ADAMTS17: variants seen among roughly 807,000 people sequenced by gnomAD.
ADAMTS17 encodes the protein A disintegrin and metalloproteinase with thrombospondin motifs 17.
Under a neutral mutation model 141.5 loss-of-function variants are expected in ADAMTS17, and 113 were observed. That is an observed-to-expected ratio of 0.80 (90% CI 0.69 to 0.93). ADAMTS17 has a LOEUF of 0.93. Ranked by LOEUF, ADAMTS17 falls within the 40% of genes least tolerant of loss-of-function variation. ADAMTS17 has a pLI of 0.00. For synonymous variants in ADAMTS17, 768 were observed against 630.6 expected (o/e 1.22, Z -3.27); for missense variants, 1,659 against 1,517.9 (o/e 1.09, Z -1.54).
chr15:100,261,104 C>A (rs1021975055), intron 6 of ADAMTS17, among the ~76,000 whole-genome samples: 4 of 152,268 alleles, frequency 2.6e-5, no homozygotes, highest in African/African-American at 9.6e-5. Context: ...GTGAATGTGA[C>A]CCTATGTGGA....
intron 14 of ADAMTS17, among the ~76,000 whole-genome samples, chr15:100,105,702 T>A (rs1489864049): frequency 6.6e-6 from 1 of 152,130 alleles, no homozygotes; most frequent in East Asian, 1.9e-4. Flanking sequence ...TTTTTATTTT[T>A]TTTGAGATGG....
intron 3 of ADAMTS17, among the ~76,000 whole-genome samples, chr15:100,295,461 G>A (rs892917583): frequency 5.3e-5 from 8 of 152,096 alleles, no homozygotes; most frequent in African/African-American, 1.9e-4. Context: ...GACAACTATG[G>A]TTCCAGCCTC....
At chr15:100,248,283 A>C (rs1427624717) in intron 7 of ADAMTS17, among the ~76,000 whole-genome samples, 1 of 152,130 alleles carries the variant, frequency 6.6e-6, no homozygotes, top group Non-Finnish European at 1.5e-5. Context: ...TGGCACAAAA[A>C]CCACCGTAGC....
At chr15:100,140,166 T>C (rs762150738) in intron 10 of ADAMTS17, among the ~76,000 whole-genome samples, 3 of 151,820 alleles carry the variant, frequency 2.0e-5, no homozygotes, top group Non-Finnish European at 4.4e-5. Flanking sequence ...TGGCTAATTT[T>C]TGTATTTTTG....
At chr15:99,994,669 C>A (rs1265678593) in intron 19 of ADAMTS17, among the ~76,000 whole-genome samples, 3 of 152,156 alleles carry the variant, frequency 2.0e-5, no homozygotes, top group Non-Finnish European at 4.4e-5. Context: ...CGGGTTCAAG[C>A]GATTCTCCTG....
intron 7 of ADAMTS17, among the ~76,000 whole-genome samples, chr15:100,224,492 C>A (rs779947476): frequency 2.2e-4 from 34 of 152,052 alleles, no homozygotes; most frequent in Non-Finnish European, 4.4e-4. Context: ...TCAGTCATCA[C>A]AAGATTTCAA....
chr15:100,135,093 C>T (rs1038808406), intron 10 of ADAMTS17, among the ~76,000 whole-genome samples: 16 of 152,118 alleles, frequency 1.1e-4, no homozygotes, highest in African/African-American at 1.7e-4. Flanking sequence ...ATGACCACTC[C>T]ATCAGGAGAA....
chr15:100,144,116 A>T (rs2038785554), intron 10 of ADAMTS17, among the ~76,000 whole-genome samples: 1 of 152,242 alleles, frequency 6.6e-6, no homozygotes, highest in African/African-American at 2.4e-5. Flanking sequence ...AACATTCTAA[A>T]TTTGTAATAT....
At chr15:100,241,619 T>C (rs2042830295) in intron 7 of ADAMTS17, among the ~76,000 whole-genome samples, 1 of 152,184 alleles carries the variant, frequency 6.6e-6, no homozygotes, top group Admixed American at 6.5e-5. Context: ...GTGCCATTCA[T>C]GGATGCTGGG....
intron 18 of ADAMTS17, among the ~76,000 whole-genome samples, chr15:100,022,504 A>C (rs766426363): frequency 1.8e-4 from 27 of 152,292 alleles, no homozygotes; most frequent in Admixed American, 3.9e-4. Context: ...AAAAGATTCA[A>C]ACACCCCAAC....
chr15:99,996,479 ACT>A (rs1202006982), intron 19 of ADAMTS17, among the ~76,000 whole-genome samples: 8 of 152,044 alleles, frequency 5.3e-5, no homozygotes, highest in South Asian at 4.2e-4. Context: ...AAAATCTCAA[ACT>A]CTCTTTTCCT....
chr15:100,004,395 G>A (rs1319258770), intron 18 of ADAMTS17, among the ~76,000 whole-genome samples: 1 of 152,096 alleles, frequency 6.6e-6, no homozygotes, highest in Non-Finnish European at 1.5e-5. Context: ...GCCCACCTAC[G>A]ACACTTGAAC....
At chr15:100,258,964 C>T (rs192622464) in intron 6 of ADAMTS17, among the ~76,000 whole-genome samples, 4 of 152,168 alleles carry the variant, frequency 2.6e-5, no homozygotes, top group Admixed American at 2.6e-4. Context: ...AAAAAAATGC[C>T]ATTCATCCCC....
intron 7 of ADAMTS17, among the ~76,000 whole-genome samples, chr15:100,209,155 T>A (rs2041702096): frequency 1.4e-5 from 2 of 141,734 alleles, no homozygotes; most frequent in South Asian, 4.6e-4. Flanking sequence ...AGAAAAGGAT[T>A]CTCAAAACAA....
chr15:100,313,743 G>A (rs1390033362), intron 3 of ADAMTS17, among the ~76,000 whole-genome samples: 2 of 151,622 alleles, frequency 1.3e-5, no homozygotes, highest in East Asian at 3.9e-4. Context: ...ATGAAGAAAC[G>A]TCAGACAAAA....
chr15:100,168,881 C>G (rs1166300618), intron 8 of ADAMTS17, among the ~76,000 whole-genome samples: 1 of 152,216 alleles, frequency 6.6e-6, no homozygotes, highest in Non-Finnish European at 1.5e-5. Flanking sequence ...CGTTGATGTC[C>G]CTGATTCAGA....
intron 13 of ADAMTS17, among the ~76,000 whole-genome samples, chr15:100,116,128 T>G (rs1405169883): frequency 5.1e-5 from 6 of 118,414 alleles, no homozygotes; most frequent in Admixed American, 2.6e-4. Flanking sequence ...AGAACAGTTT[T>G]AGGTAAAAAA....
At chr15:100,117,944 C>T (rs755469652) in intron 12 of ADAMTS17, among the ~76,000 whole-genome samples, 7 of 152,242 alleles carry the variant, frequency 4.6e-5, no homozygotes, top group Non-Finnish European at 1.0e-4. Flanking sequence ...GGCCAAATGT[C>T]ATCTGGACAC....
At chr15:100,289,315 A>T (rs944016214) in intron 3 of ADAMTS17, among the ~76,000 whole-genome samples, 12 of 152,180 alleles carry the variant, frequency 7.9e-5, no homozygotes, top group Admixed American at 6.5e-5. Context: ...CCCTGAAAAA[A>T]CCAAGTTCCA....
Sources: allele counts gnomAD v4.1 joint callset (sites outside exome capture counted in the v4.1 genomes callset), GRCh38; gene constraint gnomAD v4.1.1; transcripts MANE v1.5; gene names NCBI Gene and HGNC (gene_info 2026-07-23, HGNC 2026-07-21).